KLHDC10: variants seen among roughly 807,000 people sequenced by gnomAD.
The protein encoded by KLHDC10 is kelch domain containing 10.
In KLHDC10, 24 loss-of-function variants were observed where a neutral mutation model predicts 56.1. The observed-to-expected ratio is 0.43, with a 90% CI of 0.31 to 0.60. KLHDC10 has a LOEUF of 0.60. Ranked by LOEUF, KLHDC10 falls within the 20% of genes least tolerant of loss-of-function variation. KLHDC10 has a pLI of 0.11. For missense variants in KLHDC10, 349 were observed against 567.0 expected, an observed-to-expected ratio of 0.62 and a Z score of 3.91; for synonymous variants, 188 against 207.1, an observed-to-expected ratio of 0.91 and a Z score of 0.79.
intron 1 of KLHDC10, among the ~76,000 whole-genome samples, chr7:130,081,755 A>G (rs1025562759): frequency 6.6e-6 from 1 of 152,198 alleles, no homozygotes; most frequent in African/African-American, 2.4e-5. Flanking sequence ...TCTGTCATCT[A>G]TTAATATGTC....
chr7:130,097,610 A>C (rs1241680644), intron 2 of KLHDC10, among the ~76,000 whole-genome samples: 2 of 152,172 alleles, frequency 1.3e-5, no homozygotes, highest in East Asian at 3.8e-4. Context: ...TATTATAAAC[A>C]CAACAATTAA....
In KLHDC10 at chr7:130,130,578, T is replaced by A. The variant is rs367667750; in HGVS notation, c.1161T>A (p.His387Gln). The change falls in exon 10 of 10, where the codon CAT becomes CAA. Residue 387 changes from histidine to glutamine, a missense_variant. Coordinates refer to ENST00000335420, the MANE Select transcript of KLHDC10 (RefSeq NM_014997.4). This position sits in a 1 kb window ranked among gnomAD's most constrained non-coding sequence, Gnocchi z 4.2. ...TTCATGGAGGAGTGGTGAACATCCATGAAAACAAACGGACTGGGTCATTGT... is the reference window on the plus strand; with the variant it reads ...TTCATGGAGGAGTGGTGAACATCCAAGAAAACAAACGGACTGGGTCATTGT... ...MYIHGGVVNI[H>Q]ENKRTGSLFK... 3.6e-5 allele frequency: 58 copies of A among 1,614,006 alleles called. No individual in the cohort carries two copies. The highest frequency in any genetic ancestry group is 4.7e-5 in the Non-Finnish European group (55 of 1,180,032).
Position 130,130,593 on chromosome 7 carries a change from T to C in KLHDC10, c.1176T>C (p.Thr392=), listed in dbSNP as rs1796387193. ...TGAACATCCATGAAAACAAACGGAC[T>C]GGGTCATTGTTTAAGATCTGGCTGG... ...GVVNIHENKR[T]GSLFKIWLVV... The change falls in exon 10 of 10, where the codon ACT becomes ACC. Residue 392 remains threonine, a synonymous_variant. Transcript: ENST00000335420. This position sits in a 1 kb window ranked among gnomAD's most constrained non-coding sequence, Gnocchi z 4.2. The C allele has an allele frequency of 6.2e-7, 1 of 1,613,974 alleles. No individual in the cohort carries two copies. The highest frequency in any genetic ancestry group is 1.3e-5 in the African/African-American group (1 of 74,876).
At chr7:130,129,645 G>A in intron 9 of KLHDC10, 69 bp downstream of exon 9, 2 of 1,491,518 alleles carry the variant, frequency 1.3e-6, no homozygotes, top group Admixed American at 4.4e-5. Flanking sequence ...AGAGATATTA[G>A]CAAGAAAAAA....
At chr7:130,119,421 A>G (rs1584637355) in intron 3 of KLHDC10, among the ~76,000 whole-genome samples, 2 of 151,328 alleles carry the variant, frequency 1.3e-5, no homozygotes, top group South Asian at 4.2e-4. Context: ...TTGAGGCAGG[A>G]GGATCACTTG....
chr7:130,093,212 T>C lies in KLHDC10; in HGVS notation c.167-3709T>C, dbSNP rs1046597847. Reference sequence around the variant, plus strand: ...GTTATTGAAGAAATTATTATTATTATTATTTTTGTGGAGACAGAGTCTTAC... The same window carrying C: ...GTTATTGAAGAAATTATTATTATTACTATTTTTGTGGAGACAGAGTCTTAC... On this transcript the variant is annotated intron_variant, in intron 1 of 9. Transcript: ENST00000335420. Among the ~76,000 whole-genome samples the C allele has an allele frequency of 2.0e-5, 3 of 152,076 alleles. No homozygotes were observed. In the South Asian group the frequency reaches 6.2e-4, roughly 32 times the overall value.
chr7:130,135,196 A>T lies in KLHDC10; in HGVS notation c.*4450A>T, dbSNP rs1796457659. 1 of 152,400 alleles carries T rather than the reference A, an allele frequency of 6.6e-6. No individual in the cohort carries two copies. Among genetic ancestry groups the T allele is most frequent in the Admixed American group, 6.6e-5 (1 of 15,250 alleles). 9.4% of individuals were successfully genotyped at this position (152,400 alleles called of 1,614,324 possible). On this transcript the variant is annotated 3_prime_UTR_variant, in exon 10 of 10. Coordinates refer to ENST00000335420, the MANE Select transcript of KLHDC10 (RefSeq NM_014997.4). The stretch of plus-strand genomic sequence containing the variant: ...GGCAGTTTTCAGAAAAAAACAAAAA[A>T]CAATTTCACCAAGCGGTAGTAATTG...
chr7:130,078,519 C>T (rs910869063), intron 1 of KLHDC10, among the ~76,000 whole-genome samples: 2 of 152,026 alleles, frequency 1.3e-5, no homozygotes, highest in African/African-American at 2.4e-5. Flanking sequence ...GCCCTGCCTT[C>T]CTTTTCACTC....
chr7:130,128,889 A>AAAAAAAAAAAAATATATATATATATATAT, intron 8 of KLHDC10, among the ~76,000 whole-genome samples: 7 of 66,944 alleles, frequency 1.0e-4, no homozygotes, highest in Non-Finnish European at 1.9e-4. Flanking sequence ...AAAAAAAAAA[A>AAAAAAAAAAAAATATATATATATATATAT]ATATATATAT....
chr7:130,074,869 A>G (rs1795476395), intron 1 of KLHDC10, among the ~76,000 whole-genome samples: 1 of 152,062 alleles, frequency 6.6e-6, no homozygotes, highest in African/African-American at 2.4e-5. Flanking sequence ...TTGGCCTCCT[A>G]AAGTGTTGGG....
At chr7:130,115,177 C>A (rs990831074) in intron 2 of KLHDC10, among the ~76,000 whole-genome samples, 1 of 152,062 alleles carries the variant, frequency 6.6e-6, no homozygotes, top group African/African-American at 2.4e-5. Flanking sequence ...AGGTGTCTAG[C>A]GTTGTCCTAA....
At chr7:130,077,181 C>A (rs1271586847) in intron 1 of KLHDC10, among the ~76,000 whole-genome samples, 2 of 151,156 alleles carry the variant, frequency 1.3e-5, no homozygotes, top group African/African-American at 2.4e-5. Flanking sequence ...ATGGGGAAAC[C>A]CCATCTCTGC....
rs543221338 is a variant in KLHDC10, at chr7:130,076,882, C to A, written c.166+6073C>A. Among the ~76,000 whole-genome samples the A allele has an allele frequency of 1.1e-3, 170 of 152,084 alleles. 1 individual carries two copies. The highest frequency in any genetic ancestry group is 3.8e-3 in the African/African-American group (157 of 41,484). On this transcript the variant is annotated intron_variant, in intron 1 of 9. Coordinates refer to ENST00000335420, the MANE Select transcript of KLHDC10 (RefSeq NM_014997.4). ...CCTCATTCTACTTCCCAGAGTTTTC[C>A]TGGGAAGTTTTCTTTGTTTATTTTT...
chr7:130,112,662 C>G (rs1179477282), intron 2 of KLHDC10, among the ~76,000 whole-genome samples: 1 of 152,108 alleles, frequency 6.6e-6, no homozygotes, highest in Non-Finnish European at 1.5e-5. Context: ...TGGCATTAAT[C>G]CAGACAGACA....
intron 1 of KLHDC10, among the ~76,000 whole-genome samples, chr7:130,078,018 T>A (rs1201302027): frequency 6.6e-6 from 1 of 152,098 alleles, no homozygotes; most frequent in Non-Finnish European, 1.5e-5. Flanking sequence ...AGCTAAATAA[T>A]CATATCATTA....
chr7:130,119,498 C>T (rs1213283411), intron 3 of KLHDC10, among the ~76,000 whole-genome samples: 12 of 137,716 alleles, frequency 8.7e-5, no homozygotes, highest in African/African-American at 3.1e-4. Flanking sequence ...GGTGACAGAG[C>T]GAGACCCTGC....
intron 2 of KLHDC10, among the ~76,000 whole-genome samples, chr7:130,107,223 A>G (rs921852568): frequency 6.6e-6 from 1 of 152,184 alleles, no homozygotes; most frequent in African/African-American, 2.4e-5. Context: ...CCACTATTCA[A>G]CCTTGTTCTG....
In KLHDC10 at chr7:130,106,448, G is replaced by A. The variant is rs117126441; in HGVS notation, c.253+9441G>A. On this transcript the variant is annotated intron_variant, in intron 2 of 9. Transcript: ENST00000335420. The stretch of plus-strand genomic sequence containing the variant: ...GTGGGAAAATAAAGCGAGAAAGAGC[G>A]GTAAATAAAAAATACATAAGATTGC... 3.6e-3 allele frequency among the ~76,000 whole-genome samples: 547 copies of A among 151,722 alleles called. 2 individuals carry two copies. Among genetic ancestry groups the A allele is most frequent in the Non-Finnish European group, 5.9e-3 (398 of 67,934 alleles).
At position 130,070,821 on chromosome 7, in the gene KLHDC10, G is replaced by C; in HGVS notation, c.166+12G>C. 7.7e-7 allele frequency: 1 copy of C among 1,302,470 alleles called. No individual in the cohort carries two copies. 80.7% of individuals were successfully genotyped at this position (1,302,470 alleles called of 1,614,324 possible). The stretch of plus-strand genomic sequence containing the variant: ...GCCGCACCTGCCAGGTGAGTCGTGG[G>C]ACAGGGTCCTGACCGCTTGCGGGCG... On this transcript the variant is annotated intron_variant, in intron 1 of 9. Transcript: ENST00000335420.
Sources: gnomAD v4.1 joint callset for allele counts (sites outside exome capture counted in the v4.1 genomes callset) on GRCh38, gnomAD v4.1.1 for gene constraint, Gnocchi (gnomAD v3.1) non-coding constraint, MANE v1.5 for transcripts, NCBI Gene and HGNC (gene_info 2026-07-23, HGNC 2026-07-21) for gene names.